The following TESK2 variants were observed in gnomAD, a reference collection of about 807,000 sequenced individuals.
The protein encoded by TESK2 is testis associated actin remodelling kinase 2, also known as dual specificity testis-specific protein kinase 2.
Under a neutral mutation model 57.1 loss-of-function variants are expected in TESK2, and 39 were observed. The observed-to-expected ratio is 0.68, with a 90% CI of 0.53 to 0.89. The LOEUF is 0.89. Ranked by LOEUF, TESK2 falls within the 40% of genes least tolerant of loss-of-function variation. The pLI is 0.00. For missense variants in TESK2, 646 were observed against 732.1 expected (o/e 0.88, Z 1.36); for synonymous variants, 249 against 267.9 (o/e 0.93, Z 0.69).
Position 45,442,629 on chromosome 1 carries a change from C to T in TESK2, c.222+14935G>A, listed in dbSNP as rs142497558. Among the ~76,000 whole-genome samples, 870 of 152,294 alleles carry T rather than the reference C, an allele frequency of 5.7e-3. 6 individuals are homozygous for T. The highest frequency in any genetic ancestry group is 1.0e-2 in the Non-Finnish European group (678 of 68,032). On this transcript the variant is annotated intron_variant, in intron 2 of 10. Coordinates refer to ENST00000372086, the MANE Select transcript of TESK2 (RefSeq NM_007170.3). ...TTAAACAGGTTGTCGGCCACTGCTA[C>T]GCTGCAGCTGAAAAGCTTTTCCACT...
chr1:45,432,758 CTTT>C (rs1300292630), intron 2 of TESK2, among the ~76,000 whole-genome samples: 6,710 of 87,466 alleles, frequency 0.077, 145 homozygotes, highest in South Asian at 0.097. Context: ...AATATTATAA[CTTT>C]TTTTTTTTTT....
chr1:45,399,733 C>T (rs1364789354), intron 3 of TESK2, among the ~76,000 whole-genome samples: 1 of 152,044 alleles, frequency 6.6e-6, no homozygotes, highest in South Asian at 2.1e-4. Context: ...TTCACAGGCA[C>T]GAAGACACTG....
At chr1:45,426,283 T>G (rs1650685465) in intron 2 of TESK2, among the ~76,000 whole-genome samples, 1 of 151,942 alleles carries the variant, frequency 6.6e-6, no homozygotes, top group Admixed American at 6.6e-5. Context: ...GAATAGAGAA[T>G]CCAATAACAA....
rs1647112633 is a variant in TESK2 at position 45,344,706 on chromosome 1, C to A, written c.*134G>T. On this transcript the variant is annotated 3_prime_UTR_variant, in exon 11 of 11. Coordinates refer to ENST00000372086, the MANE Select transcript of TESK2 (RefSeq NM_007170.3). ...TACACAGCCAATGGGCACTGGGAGC[C>A]CAGAAGTTGAGCCTGGCTTGGCCTA... 4 of 819,616 alleles carry A rather than the reference C, an allele frequency of 4.9e-6. No homozygotes were observed. Among genetic ancestry groups the A allele is most frequent in the Admixed American group, 5.7e-5 (2 of 35,058 alleles). 50.8% of individuals were successfully genotyped at this position (819,616 alleles called of 1,614,324 possible). A position where few individuals can be genotyped will look rare whatever the true frequency, so the allele number is the denominator to read the frequency against.
intron 1 of TESK2, among the ~76,000 whole-genome samples, chr1:45,460,668 C>T (rs1652297599): frequency 2.0e-5 from 3 of 152,104 alleles, no homozygotes; most frequent in Non-Finnish European, 4.4e-5. Flanking sequence ...ATCTTCCTGC[C>T]TCAGCTACCT....
intron 3 of TESK2, among the ~76,000 whole-genome samples, chr1:45,409,813 C>T (rs920570126): frequency 6.6e-6 from 1 of 152,076 alleles, no homozygotes; most frequent in Non-Finnish European, 1.5e-5. Context: ...GGGAATGCGG[C>T]AGGAAATTAA....
chr1:45,437,211 T>G (rs1482920304), intron 2 of TESK2, among the ~76,000 whole-genome samples: 1 of 152,246 alleles, frequency 6.6e-6, no homozygotes, highest in Non-Finnish European at 1.5e-5. Flanking sequence ...TTTCTATTTT[T>G]TTGTGTCCTC....
intron 4 of TESK2, among the ~76,000 whole-genome samples, chr1:45,360,886 C>A (rs1052112581): frequency 1.3e-5 from 2 of 152,192 alleles, no homozygotes; most frequent in Non-Finnish European, 2.9e-5. Context: ...GGCGCCATCT[C>A]GGCTCACTGC....
At chr1:45,427,781 G>C (rs1012163005) in intron 2 of TESK2, among the ~76,000 whole-genome samples, 1 of 152,144 alleles carries the variant, frequency 6.6e-6, no homozygotes, top group Non-Finnish European at 1.5e-5. Context: ...TGTGGGGTGT[G>C]GGGGAGTGGG....
chr1:45,458,919 A>G (rs1249901151), intron 1 of TESK2, among the ~76,000 whole-genome samples: 1 of 152,046 alleles, frequency 6.6e-6, no homozygotes, highest in African/African-American at 2.4e-5. Context: ...ATGAGACTCA[A>G]TTGTAAGGGT....
intron 2 of TESK2, among the ~76,000 whole-genome samples, chr1:45,425,098 T>C (rs1650633001): frequency 6.6e-6 from 1 of 152,202 alleles, no homozygotes; most frequent in East Asian, 1.9e-4. Flanking sequence ...GGCATCCAAA[T>C]TGGAAAGGAA....
At position 45,345,345 on chromosome 1, in the gene TESK2, G is replaced by A. The variant is rs1431540303; in HGVS notation, c.1211C>T (p.Ala404Val). Residue 404 changes from alanine (A) to valine (V), a missense_variant, in exon 11 of 11, where the codon GCT (alanine) becomes GTT (valine). By Grantham distance (64) the Ala-to-Val change is moderately conservative. Transcript: ENST00000372086. Reference sequence around the variant, plus strand: ...CTTGCCCCCCATGAGGTCCTGGCGAGCACTAAAAGGGTTGACTTTGGGGGT... The same window carrying A: ...CTTGCCCCCCATGAGGTCCTGGCGAACACTAAAAGGGTTGACTTTGGGGGT... Reference protein sequence around the residue: ...ARTPKVNPFSARQDLMGGKIK... With the variant: ...ARTPKVNPFSVRQDLMGGKIK... 6.2e-6 allele frequency: 10 copies of A among 1,614,148 alleles called. No homozygotes were observed. The highest frequency in any genetic ancestry group is 8.5e-6 in the Non-Finnish European group (10 of 1,180,040).
At chr1:45,475,005 G>T (rs1399248667) in intron 1 of TESK2, among the ~76,000 whole-genome samples, 1 of 148,786 alleles carries the variant, frequency 6.7e-6, no homozygotes, top group Non-Finnish European at 1.5e-5. Flanking sequence ...ACCACTTGGG[G>T]CAGAAAGGCA....
chr1:45,461,845 G>T (rs12067642), intron 1 of TESK2, among the ~76,000 whole-genome samples: 44,858 of 151,896 alleles, frequency 0.3, 7,269 homozygotes, highest in African/African-American at 0.43. Context: ...GAGATATTTT[G>T]ATACAGGCAT....
chr1:45,437,975 C>T (rs1651299650), intron 2 of TESK2, among the ~76,000 whole-genome samples: 1 of 152,078 alleles, frequency 6.6e-6, no homozygotes, highest in African/African-American at 2.4e-5. Flanking sequence ...AATTTTTGTT[C>T]CCCAAACAGT....
chr1:45,429,827 GT>G, intron 2 of TESK2, among the ~76,000 whole-genome samples: 1 of 152,212 alleles, frequency 6.6e-6, no homozygotes, highest in Non-Finnish European at 1.5e-5. Flanking sequence ...CCTGAAGTTA[GT>G]TGATACTAAC....
At chr1:45,363,460 C>T (rs72890589) in intron 4 of TESK2, among the ~76,000 whole-genome samples, 1 of 152,104 alleles carries the variant, frequency 6.6e-6, no homozygotes, top group Non-Finnish European at 1.5e-5. Context: ...AGGATAAAAC[C>T]CACAATCCTT....
intron 3 of TESK2, among the ~76,000 whole-genome samples, chr1:45,414,595 G>A (rs1242412966): frequency 4.6e-5 from 7 of 152,140 alleles, no homozygotes; most frequent in African/African-American, 1.7e-4. Flanking sequence ...AGTACATCAA[G>A]GAGATATGGA....
At chr1:45,448,067 G>A (rs1161692580) in intron 2 of TESK2, among the ~76,000 whole-genome samples, 1 of 146,024 alleles carries the variant, frequency 6.8e-6, no homozygotes, top group Non-Finnish European at 1.5e-5. Flanking sequence ...GAGACCTTGT[G>A]TCTACAAAAA....
Sources: gnomAD v4.1 joint callset for allele counts (sites outside exome capture counted in the v4.1 genomes callset) on GRCh38, gnomAD v4.1.1 for gene constraint, MANE v1.5 for transcripts, NCBI Gene and HGNC (gene_info 2026-07-23, HGNC 2026-07-21) for gene names.